SGCZ: variants seen among roughly 807,000 people sequenced by gnomAD.
SGCZ encodes the protein sarcoglycan zeta, also known as zeta-sarcoglycan.
SGCZ carries 40 observed loss-of-function variants against 41.3 expected under a neutral mutation model. The ratio of observed to expected loss-of-function variants is 0.97; its 90% confidence interval spans 0.75 to 1.26. The LOEUF (loss-of-function observed/expected upper bound fraction) is 1.26, where lower values mean the gene tolerates loss of function less well. SGCZ is among the 50% of genes most tolerant of loss of function. The pLI is 0.00. For synonymous variants in SGCZ, 206 were observed against 137.5 expected (o/e 1.50, Z -3.49); for missense variants, 552 against 369.8 (o/e 1.49, Z -4.04).
Position 14,660,662 on chromosome 8 carries a change from C to T in SGCZ, c.40-105736G>A, listed in dbSNP as rs1458331926. 6.6e-5 allele frequency among the ~76,000 whole-genome samples: 10 copies of T among 151,018 alleles called. No homozygotes were observed. The East Asian group carries it at 1.9e-3, about 29-fold the overall frequency. On this transcript the variant is annotated intron_variant, in intron 1 of 7. Coordinates refer to ENST00000382080, the MANE Select transcript of SGCZ (RefSeq NM_139167.4). ...CAGGAAAGGTCTCTGAGGAAAGAAC[C>T]ACTTGAGTTTAGCTCTCAGAGAAGA...
rs73521390 is a variant in SGCZ at position 14,277,886 on chromosome 8, A to T, written c.337-40207T>A. On this transcript the variant is annotated intron_variant, in intron 3 of 7. Coordinates refer to ENST00000382080, the MANE Select transcript of SGCZ (RefSeq NM_139167.4). The stretch of plus-strand genomic sequence containing the variant: ...GTAAGCAAATAACCAGGAAAGATTA[A>T]CCACCAGAGAGAGAGAAAAAGAAAA... Among the ~76,000 whole-genome samples, 946 of 152,248 alleles carry T rather than the reference A, an allele frequency of 6.2e-3. 9 individuals carry two copies. Among genetic ancestry groups the T allele is most frequent in the African/African-American group, 0.022 (906 of 41,550 alleles).
chr8:14,404,057 C>T (rs1799147583), intron 2 of SGCZ, among the ~76,000 whole-genome samples: 1 of 151,970 alleles, frequency 6.6e-6, no homozygotes, highest in South Asian at 2.1e-4. Flanking sequence ...TGTATCTTAC[C>T]TGAGTATCAC....
chr8:14,120,759 A>T (rs1242901059), intron 5 of SGCZ, among the ~76,000 whole-genome samples: 3 of 152,130 alleles, frequency 2.0e-5, no homozygotes, highest in African/African-American at 7.2e-5. Context: ...TGAATTATTA[A>T]ATTTAATCAA....
At chr8:14,214,099 T>C (rs1361660572) in intron 4 of SGCZ, among the ~76,000 whole-genome samples, 1 of 152,136 alleles carries the variant, frequency 6.6e-6, no homozygotes, top group Non-Finnish European at 1.5e-5. Context: ...TACCACCAAG[T>C]ATTAATTCAT....
intron 1 of SGCZ, among the ~76,000 whole-genome samples, chr8:15,235,499 T>A (rs1030407925): frequency 6.6e-6 from 1 of 152,168 alleles, no homozygotes; most frequent in East Asian, 1.9e-4. Context: ...TACCCCCTCA[T>A]GCCCAAACCT....
chr8:14,740,001 A>G (rs1799152584), intron 1 of SGCZ, among the ~76,000 whole-genome samples: 2 of 152,108 alleles, frequency 1.3e-5, no homozygotes, highest in African/African-American at 2.4e-5. Flanking sequence ...AAGCACATCT[A>G]TAGGCCTTAT....
chr8:14,158,306 T>C (rs1433083478), intron 5 of SGCZ, among the ~76,000 whole-genome samples: 2 of 152,194 alleles, frequency 1.3e-5, no homozygotes, highest in Non-Finnish European at 1.5e-5. Context: ...ATTTTGCAGA[T>C]GTAATTTAGG....
At chr8:14,541,532 C>G (rs193048142) in intron 2 of SGCZ, among the ~76,000 whole-genome samples, 1 of 152,170 alleles carries the variant, frequency 6.6e-6, no homozygotes, top group Non-Finnish European at 1.5e-5. Context: ...TTTTCTTTAT[C>G]CAGTCTATCA....
intron 3 of SGCZ, among the ~76,000 whole-genome samples, chr8:14,283,185 G>C (rs1020567030): frequency 3.4e-4 from 52 of 151,766 alleles, no homozygotes; most frequent in African/African-American, 1.0e-3. Context: ...TTCTCTTGTC[G>C]ATATAGATTA....
intron 4 of SGCZ, among the ~76,000 whole-genome samples, chr8:14,192,700 A>C (rs1339020967): frequency 6.6e-6 from 1 of 152,056 alleles, no homozygotes; most frequent in East Asian, 1.9e-4. Flanking sequence ...TATTATATTT[A>C]TGCTATTTCA....
chr8:14,988,526 C>T lies in SGCZ; in HGVS notation c.39+249059G>A, dbSNP rs1015309741. ...AATATGGATTGAGAATAGTGTTTTC[C>T]TTCCCTTTACTATAAGGTAGAAATG... On this transcript the variant is annotated intron_variant, in intron 1 of 7. Coordinates refer to ENST00000382080, the MANE Select transcript of SGCZ (RefSeq NM_139167.4). Among the ~76,000 whole-genome samples, 12 of 151,780 alleles carry T rather than the reference C, an allele frequency of 7.9e-5. No individual in the cohort carries two copies. In the East Asian group the frequency reaches 2.3e-3, roughly 29 times the overall value.
At chr8:14,730,730 C>G (rs1187087179) in intron 1 of SGCZ, among the ~76,000 whole-genome samples, 1 of 151,766 alleles carries the variant, frequency 6.6e-6, no homozygotes, top group African/African-American at 2.4e-5. Context: ...CCTCCATTCC[C>G]TAGGACTTGT....
chr8:14,283,931 T>G (rs1800533516), intron 3 of SGCZ, among the ~76,000 whole-genome samples: 1 of 152,246 alleles, frequency 6.6e-6, no homozygotes, highest in South Asian at 2.1e-4. Context: ...GTTTAAAACT[T>G]ATTTTGTTGC....
intron 2 of SGCZ, among the ~76,000 whole-genome samples, chr8:14,437,316 A>G (rs1169135119): frequency 6.6e-6 from 1 of 152,190 alleles, no homozygotes; most frequent in Non-Finnish European, 1.5e-5. Flanking sequence ...TTAATAAATT[A>G]CCACTTGTCA....
chr8:14,596,234 A>G (rs1805409197), intron 1 of SGCZ, among the ~76,000 whole-genome samples: 1 of 152,226 alleles, frequency 6.6e-6, no homozygotes, highest in South Asian at 2.1e-4. Flanking sequence ...AAAATATTTT[A>G]CAAAGCTTCT....
intron 2 of SGCZ, among the ~76,000 whole-genome samples, chr8:14,517,203 C>CA (rs959739944): frequency 1.3e-5 from 2 of 150,484 alleles, no homozygotes; most frequent in Admixed American, 6.8e-5. Context: ...GGAAGACAAA[C>CA]AAAAAAATGC....
chr8:14,218,594 A>G (rs1251743022), intron 4 of SGCZ, among the ~76,000 whole-genome samples: 1 of 152,242 alleles, frequency 6.6e-6, no homozygotes, highest in East Asian at 1.9e-4. Flanking sequence ...AAATGTGTTT[A>G]TGTTAAATGA....
At chr8:14,248,623 T>A (rs751469846) in intron 3 of SGCZ, among the ~76,000 whole-genome samples, 1 of 152,172 alleles carries the variant, frequency 6.6e-6, no homozygotes, top group African/African-American at 2.4e-5. Context: ...TGGATATGTT[T>A]TCCAATAAAT....
intron 4 of SGCZ, among the ~76,000 whole-genome samples, chr8:14,192,250 C>T (rs1295075379): frequency 6.6e-6 from 1 of 151,848 alleles, no homozygotes; most frequent in Non-Finnish European, 1.5e-5. Context: ...CAAATTTTTG[C>T]ATTTGAAATA....
Sources: allele counts gnomAD v4.1 joint callset (sites outside exome capture counted in the v4.1 genomes callset), GRCh38; gene constraint gnomAD v4.1.1; transcripts MANE v1.5; gene names NCBI Gene and HGNC (gene_info 2026-07-23, HGNC 2026-07-21).